Variants in PKD2L2 observed in about 807,000 individuals in gnomAD.
PKD2L2 encodes polycystin 2 like 2, transient receptor potential cation channel, also known as polycystin-2-like protein 2.
A neutral mutation model predicts 83.9 loss-of-function variants in PKD2L2; 67 were observed. The ratio of observed to expected loss-of-function variants is 0.80; its 90% CI spans 0.66 to 0.98. The LOEUF is 0.98. Ranked by LOEUF, PKD2L2 falls within the 50% of genes least tolerant of loss-of-function variation. PKD2L2 has a pLI of 0.00. For synonymous variants in PKD2L2, 223 were observed against 237.8 expected, an observed-to-expected ratio of 0.94 and a Z score of 0.57; for missense variants, 632 against 717.2, an observed-to-expected ratio of 0.88 and a Z score of 1.36.
At chr5:137,917,196 T>G (rs1381985939) in intron 8 of PKD2L2, among the ~76,000 whole-genome samples, 1 of 136,322 alleles carries the variant, frequency 7.3e-6, no homozygotes, top group Non-Finnish European at 1.5e-5. Flanking sequence ...GGAATCTCAC[T>G]CTGTCTCACC....
intron 12 of PKD2L2, among the ~76,000 whole-genome samples, chr5:137,930,098 C>A (rs1479608691): frequency 1.3e-5 from 2 of 151,756 alleles, no homozygotes; most frequent in East Asian, 3.9e-4. Flanking sequence ...TCAAGAAAAA[C>A]AAACGGATTA....
chr5:137,897,204 A>C (rs900459339), intron 4 of PKD2L2, among the ~76,000 whole-genome samples: 1 of 151,708 alleles, frequency 6.6e-6, no homozygotes, highest in East Asian at 1.9e-4. Flanking sequence ...CTACAGGCAC[A>C]TGCCACCACA....
intron 1 of PKD2L2, 146 bp downstream of exon 1, chr5:137,889,668 G>A: frequency 1.5e-6 from 1 of 657,332 alleles, no homozygotes. Context: ...GGGAAGCGGA[G>A]AGGGACAGAT....
At chr5:137,932,970 C>A (rs1210776604) in intron 12 of PKD2L2, among the ~76,000 whole-genome samples, 2 of 149,728 alleles carry the variant, frequency 1.3e-5, no homozygotes, top group East Asian at 3.9e-4. Context: ...CTAGATGCTA[C>A]AGCTAGAGCC....
At chr5:137,902,279 G>A (rs1163076845) in intron 5 of PKD2L2, among the ~76,000 whole-genome samples, 2 of 151,572 alleles carry the variant, frequency 1.3e-5, no homozygotes, top group East Asian at 1.9e-4. Flanking sequence ...TGTGTAAAAC[G>A]TTTTTAGAAA....
intron 8 of PKD2L2, among the ~76,000 whole-genome samples, chr5:137,913,184 C>CTTTTTTT (rs35984179): frequency 1.9e-5 from 2 of 104,838 alleles, no homozygotes; most frequent in East Asian, 2.5e-4. Flanking sequence ...CTTCTTTTTT[C>CTTTTTTT]TTTTTTTTTT....
At position 137,921,889 on chromosome 5, in the gene PKD2L2, A is replaced by G. The variant is rs1323963042; in HGVS notation, c.1449+133A>G. 3 of 697,614 alleles carry G rather than the reference A, an allele frequency of 4.3e-6. No homozygotes were observed. The African/African-American group carries it at 5.5e-5, about 13-fold the overall frequency. The allele number at this position is 697,614 out of a possible 1,614,324, so 43.2% of individuals were successfully genotyped here. A position where few individuals can be genotyped will look rare whatever the true frequency, so the allele number is the denominator to read the frequency against. On this transcript the variant is annotated intron_variant, in intron 9 of 14. Coordinates refer to ENST00000508883, the MANE Select transcript of PKD2L2 (RefSeq NM_001300921.2). The stretch of plus-strand genomic sequence containing the variant: ...TTTATTGAGAATTGTGTGGATCCCT[A>G]GTAATCCAGGTTCACTAGTCCAGTG...
chr5:137,920,966 G>A (rs1758843011), intron 8 of PKD2L2, among the ~76,000 whole-genome samples: 1 of 152,198 alleles, frequency 6.6e-6, no homozygotes, highest in African/African-American at 2.4e-5. Context: ...AAAATCACTT[G>A]TTGAACCAAT....
rs367821190 is a variant in PKD2L2, at chr5:137,925,875, C to G, written c.1617C>G (p.Thr539=). The G allele has an allele frequency of 2.5e-6, 4 of 1,588,012 alleles. No homozygotes were observed. The highest frequency in any genetic ancestry group is 3.4e-6 in the Non-Finnish European group (4 of 1,160,314). Residue 539 remains threonine (T), a splice_region_variant and synonymous_variant, in exon 12 of 15, where the codon ACC becomes ACG. Coordinates refer to ENST00000508883, the MANE Select transcript of PKD2L2 (RefSeq NM_001300921.2). The part of the protein sequence containing the change: ...KKAQKDEDKK[T]KGSGDLAEQA... ...GACTTTTATTTTATATTCTCAATAG[C>G]AAAGGCAGCGGAGATTTGGCTGAAC...
intron 12 of PKD2L2, 73 bp from the exon 13 acceptor site, chr5:137,935,724 T>G (rs964713373): frequency 1.3e-6 from 1 of 797,618 alleles, no homozygotes; most frequent in African/African-American, 1.7e-5. Context: ...CTCAATCCTG[T>G]GATGCTTGTG....
chr5:137,926,513 T>C (rs1014258229), intron 12 of PKD2L2, among the ~76,000 whole-genome samples: 3 of 152,150 alleles, frequency 2.0e-5, no homozygotes, highest in Non-Finnish European at 4.4e-5. Context: ...ATTATACAAA[T>C]GGAAAGGCTG....
chr5:137,895,337 G>A (rs1756355214), intron 4 of PKD2L2, among the ~76,000 whole-genome samples: 1 of 151,660 alleles, frequency 6.6e-6, no homozygotes, highest in South Asian at 2.1e-4. Flanking sequence ...GTGTGGTGGG[G>A]CTTGCTTACC....
intron 12 of PKD2L2, among the ~76,000 whole-genome samples, chr5:137,929,266 A>G (rs950855611): frequency 6.6e-6 from 1 of 152,040 alleles, no homozygotes; most frequent in Non-Finnish European, 1.5e-5. Flanking sequence ...GTTTGAGACC[A>G]GCCTGACAAA....
chr5:137,925,915 G>C lies in PKD2L2; in HGVS notation c.1657G>C (p.Gly553Arg). Reference sequence around the variant, plus strand: ...TTTGGCTGAACAAGCCAGAAGAGAAGGCTTTGACGAAAATGTAAGATTTTA... The same window carrying C: ...TTTGGCTGAACAAGCCAGAAGAGAACGCTTTGACGAAAATGTAAGATTTTA... ...GDLAEQARRE[G>R]FDENEIQNAE... The change falls in exon 12 of 15, where the codon GGC becomes CGC. Residue 553 changes from glycine to arginine, a missense_variant. Physicochemically the swap from Gly to Arg is moderately radical, Grantham distance 125 (BLOSUM62 -2). Around this residue, in one of 3 missense-constraint regions of PKD2L2, gnomAD observed 399 missense variants for 416.9 expected, o/e 0.96. Coordinates refer to ENST00000508883, the MANE Select transcript of PKD2L2 (RefSeq NM_001300921.2). 13 of 1,592,094 alleles carry C rather than the reference G, an allele frequency of 8.2e-6. No homozygotes were observed. Among genetic ancestry groups the C allele is most frequent in the Non-Finnish European group, 1.0e-5 (12 of 1,162,632 alleles).
At chr5:137,901,968 CAAAG>C (rs1225875545) in intron 5 of PKD2L2, among the ~76,000 whole-genome samples, 2 of 148,334 alleles carry the variant, frequency 1.3e-5, no homozygotes, top group Non-Finnish European at 3.0e-5. Flanking sequence ...CAGAGTCAAT[CAAAG>C]AAATCATGAA....
Position 137,889,555 on chromosome 5 carries a change from G to A in PKD2L2, c.31+33G>A, listed in dbSNP as rs746471981. 20 of 1,517,584 alleles carry A rather than the reference G, an allele frequency of 1.3e-5. No homozygotes were observed. The South Asian group carries it at 2.3e-4, about 17-fold the overall frequency. The allele number at this position is 1,517,584 out of a possible 1,614,324, so 94.0% of individuals were successfully genotyped here. On this transcript the variant is annotated intron_variant, in intron 1 of 14. Coordinates refer to ENST00000508883, the MANE Select transcript of PKD2L2 (RefSeq NM_001300921.2). ...GTCCTCTTAAGGAGTGGGAGGGACA[G>A]GGGCGATTTGGCAGTTCCAGACACC... is the stretch of plus-strand genomic sequence containing the variant.
chr5:137,911,300 T>C lies in PKD2L2; in HGVS notation c.1328+2354T>C, dbSNP rs1467673027. Reference sequence around the variant, plus strand: ...TCCATGTTGTAGCATGTAGTCGGAATTTCCTTCCTTAGAAAGGCTGAATAA... The same window carrying C: ...TCCATGTTGTAGCATGTAGTCGGAACTTCCTTCCTTAGAAAGGCTGAATAA... On this transcript the variant is annotated intron_variant, in intron 8 of 14. Coordinates refer to ENST00000508883, the MANE Select transcript of PKD2L2 (RefSeq NM_001300921.2). 2.0e-5 allele frequency among the ~76,000 whole-genome samples: 3 copies of C among 152,344 alleles called. No homozygotes were observed. In the East Asian group the frequency reaches 5.8e-4, roughly 29 times the overall value.
At chr5:137,942,042 A>G (rs1462381450) in intron 14 of PKD2L2, 4 of 1,612,704 alleles carry the variant, frequency 2.5e-6, no homozygotes, top group Admixed American at 3.3e-5. Flanking sequence ...CCAATAATTC[A>G]GGCCTAGAAT....
At chr5:137,931,794 G>A (rs1759901671) in intron 12 of PKD2L2, among the ~76,000 whole-genome samples, 2 of 152,286 alleles carry the variant, frequency 1.3e-5, no homozygotes, top group South Asian at 4.1e-4. Context: ...AACTACATTA[G>A]AGGTATTTCT....
Sources: allele counts gnomAD v4.1 joint callset (sites outside exome capture counted in the v4.1 genomes callset), GRCh38; gene constraint gnomAD v4.1.1; regional missense constraint gnomAD v4.1.1; transcripts MANE v1.5; gene names NCBI Gene and HGNC (gene_info 2026-07-23, HGNC 2026-07-21).